The following NOC2L variants were observed in gnomAD, a reference collection of about 807,000 sequenced individuals.
NOC2L encodes the protein NOC2 like nucleolar associated transcriptional repressor.
In NOC2L, 101 loss-of-function variants were observed where a neutral mutation model predicts 94.2. The observed-to-expected ratio is 1.07, with a 90% CI of 0.91 to 1.26. NOC2L has a LOEUF of 1.26. Ranked by LOEUF, NOC2L falls within the 50% of genes most tolerant of loss-of-function variation. The pLI, the probability that NOC2L is intolerant of heterozygous loss-of-function variation, is 0.00. For synonymous variants in NOC2L, 531 were observed against 413.4 expected (o/e 1.28, Z -3.45); for missense variants, 1,076 against 980.1 (o/e 1.10, Z -1.31).
rs957952564 is a variant in NOC2L, at chr1:953,902, G to A, written c.778-10C>T. On this transcript the variant is annotated splice_polypyrimidine_tract_variant and intron_variant, in intron 7 of 18. Transcript: ENST00000327044. ...ACAGACAGGACACCAGCTGGGGGCA[G>A]GAGGGGACAGTGAAGCCCCAAACCC... The A allele has an allele frequency of 1.9e-6, 3 of 1,612,296 alleles. No homozygotes were observed. Among genetic ancestry groups the A allele is most frequent in the Admixed American group, 1.7e-5 (1 of 60,018 alleles).
At chr1:950,313 GCAGA>G (rs1395032863) in intron 12 of NOC2L, among the ~76,000 whole-genome samples, 7 of 151,778 alleles carry the variant, frequency 4.6e-5, no homozygotes, top group East Asian at 1.9e-4. Flanking sequence ...ATAGATGCAC[GCAGA>G]CACACATGCA....
chr1:951,037 G>A (rs556226762), intron 12 of NOC2L, 90 bp downstream of exon 12: 33 of 1,014,696 alleles, frequency 3.3e-5, no homozygotes, highest in South Asian at 9.6e-5. Context: ...CCGGGAAGTC[G>A]CCGGACAACT....
At chr1:948,868 C>T (rs930188040) in intron 12 of NOC2L, among the ~76,000 whole-genome samples, 3 of 152,092 alleles carry the variant, frequency 2.0e-5, no homozygotes, top group Non-Finnish European at 4.4e-5. Flanking sequence ...GAACACGGGC[C>T]CTCTCCCAAA....
chr1:945,676 G>A (rs1201597038), intron 16 of NOC2L, 23 bp from the exon 17 acceptor site: 1 of 1,614,098 alleles, frequency 6.2e-7, no homozygotes, highest in Non-Finnish European at 8.5e-7. Flanking sequence ...AGAACCAGGG[G>A]CTCAGGTGAG....
chr1:948,258 T>C, intron 13 of NOC2L, 26 bp from the exon 14 acceptor site: 1 of 1,539,210 alleles, frequency 6.5e-7, no homozygotes, highest in Non-Finnish European at 8.8e-7. Flanking sequence ...GAGGGCCGAG[T>C]GCATCAGGGA....
chr1:944,311 A>AGACTT lies in NOC2L; in HGVS notation c.*378_*382dup. 1 of 1,392,720 alleles carries AGACTT rather than the reference A, an allele frequency of 7.2e-7. No individual in the cohort carries two copies. Among genetic ancestry groups the AGACTT allele is most frequent in the Non-Finnish European group, 9.3e-7 (1 of 1,079,738 alleles). The allele number at this position is 1,392,720 out of a possible 1,614,324, so 86.3% of individuals were successfully genotyped here. ...TCAAAGGAAAGGAACAAATTTTCAA[A>AGACTT]GACTTGGGGGAGTGAAGGCAGAGCC... On this transcript the variant is annotated 3_prime_UTR_variant, in exon 19 of 19. Coordinates refer to ENST00000327044, the MANE Select transcript of NOC2L (RefSeq NM_015658.4).
intron 16 of NOC2L, among the ~76,000 whole-genome samples, chr1:945,961 A>T (rs1450579214): frequency 6.6e-6 from 1 of 152,076 alleles, no homozygotes; most frequent in African/African-American, 2.4e-5. Context: ...GGCCTCCCCA[A>T]CCTAGTGCAG....
intron 6 of NOC2L, among the ~76,000 whole-genome samples, chr1:955,639 T>C (rs1455449958): frequency 6.6e-6 from 1 of 152,158 alleles, no homozygotes; most frequent in Non-Finnish European, 1.5e-5. Flanking sequence ...AACCCTAACC[T>C]GGGAAAATCT....
rs537257169 is a variant in NOC2L at position 944,433 on chromosome 1, C to T, written c.*261G>A. The T allele has an allele frequency of 2.9e-6, 3 of 1,023,370 alleles. No homozygotes were observed. Among genetic ancestry groups the T allele is most frequent in the Admixed American group, 7.3e-5 (2 of 27,324 alleles). 63.4% of individuals were successfully genotyped at this position (1,023,370 alleles called of 1,614,324 possible). A position where few individuals can be genotyped will look rare whatever the true frequency, so the allele number is the denominator to read the frequency against. ...CCCTGGAACTGGGACTGGTCTCGGT[C>T]TGCTGACGTCAGGGTCAGCTCCCCC... On this transcript the variant is annotated 3_prime_UTR_variant, in exon 19 of 19. Coordinates refer to ENST00000327044, the MANE Select transcript of NOC2L (RefSeq NM_015658.4).
chr1:958,933 C>T lies in NOC2L; in HGVS notation c.175G>A (p.Ala59Thr). The change falls in exon 2 of 19, where the codon GCC (alanine) becomes ACC (threonine). Residue 59 changes from alanine to threonine, a missense_variant. This residue lies in a region of NOC2L where 457 missense variants were observed against 386.0 expected (regional missense o/e 1.18). Transcript: ENST00000327044. ...CTCACGCATGTCCCCACTAACCTGG[C>T]CGAGGGGCTCCCGCCCGGCTTATCC... Reference protein sequence around the residue: ...SPDKPGGSPSASRRKGRASEH... With the variant: ...SPDKPGGSPSTSRRKGRASEH... 1 of 1,612,776 alleles carries T rather than the reference C, an allele frequency of 6.2e-7. No homozygotes were observed. The highest frequency in any genetic ancestry group is 8.5e-7 in the Non-Finnish European group (1 of 1,179,944).
intron 12 of NOC2L, among the ~76,000 whole-genome samples, 198 bp downstream of exon 12, chr1:950,929 G>A (rs1488720987): frequency 6.6e-6 from 1 of 152,138 alleles, no homozygotes; most frequent in Non-Finnish European, 1.5e-5. Flanking sequence ...AGCAGCAGCC[G>A]CCTTCATCCC....
Position 956,043 on chromosome 1 carries a change from G to C in NOC2L, c.608-30C>G, listed in dbSNP as rs553363978. On this transcript the variant is annotated intron_variant, in intron 5 of 18. Coordinates refer to ENST00000327044, the MANE Select transcript of NOC2L (RefSeq NM_015658.4). ...AACGAAAAGGCCTGGATGTACTCAC[G>C]GGACAGAGAACGCAACAGACAGCCT... 2.6e-5 allele frequency: 42 copies of C among 1,613,934 alleles called. No individual in the cohort carries two copies. In the Admixed American group the frequency reaches 6.8e-4, roughly 26 times the overall value.
At chr1:950,339 GCA>G (rs1339999834) in intron 12 of NOC2L, among the ~76,000 whole-genome samples, 2 of 150,814 alleles carry the variant, frequency 1.3e-5, no homozygotes, top group African/African-American at 4.9e-5. Flanking sequence ...GCACACAGAT[GCA>G]CACATGCAAA....
At chr1:949,538 G>C (rs894438050) in intron 12 of NOC2L, among the ~76,000 whole-genome samples, 1 of 152,208 alleles carries the variant, frequency 6.6e-6, no homozygotes, top group Admixed American at 6.5e-5. Context: ...TGCTTTTTCC[G>C]GAGAGGAGAG....
chr1:954,895 G>A (rs1373339886), intron 6 of NOC2L, among the ~76,000 whole-genome samples: 2 of 152,086 alleles, frequency 1.3e-5, no homozygotes, highest in Non-Finnish European at 2.9e-5. Flanking sequence ...AGCCCACGCA[G>A]TAGGCGCTCA....
In NOC2L at chr1:953,205, C is replaced by T. The variant is rs1399494887; in HGVS notation, c.972G>A (p.Lys324=). The change falls in exon 9 of 19, where the codon AAG becomes AAA. Residue 324 remains lysine, a synonymous_variant. Coordinates refer to ENST00000327044, the MANE Select transcript of NOC2L (RefSeq NM_015658.4). ...GGACGGGGCCAAGGAAAGTGTCCTT[C>T]TTGTGCCGGCAGACTCTGCTGAGGA... The part of the protein sequence containing the change: ...FLVLSRVCRH[K]KDTFLGPVLK... 6.2e-7 allele frequency: 1 copy of T among 1,613,446 alleles called. No individual in the cohort carries two copies. Among genetic ancestry groups the T allele is most frequent in the Admixed American group, 1.7e-5 (1 of 60,024 alleles).
chr1:946,111 T>C (rs926247236), intron 16 of NOC2L, 62 bp downstream of exon 16: 21 of 1,220,578 alleles, frequency 1.7e-5, no homozygotes, highest in Non-Finnish European at 2.2e-5. Context: ...CAAGTCATAG[T>C]GCGCTAGATC....
intron 11 of NOC2L, among the ~76,000 whole-genome samples, chr1:951,794 A>G (rs1026204317): frequency 6.6e-5 from 10 of 152,230 alleles, no homozygotes; most frequent in Admixed American, 1.3e-4. Context: ...GGAGGAGCTC[A>G]TGTCACAGGT....
At position 953,802 on chromosome 1, in the gene NOC2L, G is replaced by A. The variant is rs761528263; in HGVS notation, c.868C>T (p.Gln290Ter). The A allele has an allele frequency of 3.7e-6, 6 of 1,612,714 alleles. No homozygotes were observed. The highest frequency in any genetic ancestry group is 3.4e-4 in the Middle Eastern group (2 of 5,948). ...LVPCFLTFPK[Q>*]CRMLLKRMVI... ...CGAACCTTGAGCAGCATGCGGCACTGCTTGGGGAAGGTCAGGAAGCAGGGC... is the reference window on the plus strand; with the variant it reads ...CGAACCTTGAGCAGCATGCGGCACTACTTGGGGAAGGTCAGGAAGCAGGGC... Residue 290 changes from glutamine (Q) to a stop codon, truncating the protein, a stop_gained, in exon 8 of 19, where the codon CAG becomes TAG. Coordinates refer to ENST00000327044, the MANE Select transcript of NOC2L (RefSeq NM_015658.4). LOFTEE classifies it high-confidence loss of function.
Sources: gnomAD v4.1 joint callset for allele counts (sites outside exome capture counted in the v4.1 genomes callset) on GRCh38, gnomAD v4.1.1 for gene constraint, gnomAD v4.1.1 regional missense constraint, MANE v1.5 for transcripts, NCBI Gene and HGNC (gene_info 2026-07-23, HGNC 2026-07-21) for gene names.